ALLC: variants seen among roughly 807,000 people sequenced by gnomAD.
ALLC encodes the protein probable inactive allantoicase.
ALLC carries 40 observed loss-of-function variants against 45.0 expected under a neutral mutation model. The ratio of observed to expected loss-of-function variants is 0.89; its 90% CI spans 0.69 to 1.16. ALLC has a LOEUF of 1.16. ALLC is among the 50% of genes most tolerant of loss of function. The pLI is 0.00. For synonymous variants in ALLC, 176 were observed against 178.1 expected (o/e 0.99, Z 0.09); for missense variants, 488 against 493.1 (o/e 0.99, Z 0.10).
chr2:3,659,140 G>A (rs1031807210), intron 1 of ALLC, among the ~76,000 whole-genome samples: 2 of 152,132 alleles, frequency 1.3e-5, no homozygotes, highest in African/African-American at 4.8e-5. Flanking sequence ...CTTATTGACA[G>A]CGATGACAAA....
chr2:3,700,817 C>T (rs1420413322), intron 10 of ALLC, among the ~76,000 whole-genome samples: 1 of 152,204 alleles, frequency 6.6e-6, no homozygotes, highest in Non-Finnish European at 1.5e-5. Flanking sequence ...ACAAAGGGGG[C>T]ATGTGAGCCA....
intron 10 of ALLC, among the ~76,000 whole-genome samples, chr2:3,698,355 C>G (rs535782049): frequency 4.1e-4 from 62 of 152,194 alleles, no homozygotes; most frequent in Non-Finnish European, 8.2e-4. Context: ...CTGTCCGGCT[C>G]TTTACCATAG....
chr2:3,646,423 C>T, the ALLC span, among the ~76,000 whole-genome samples: 2 of 152,220 alleles, frequency 1.3e-5, no homozygotes, highest in South Asian at 4.1e-4. Context: ...AATCTCAGGC[C>T]TTTCACAGTT....
intron 4 of ALLC, 49 bp downstream of exon 4, chr2:3,678,604 A>T (rs1667090241): frequency 6.6e-7 from 1 of 1,506,812 alleles, no homozygotes; most frequent in Non-Finnish European, 9.2e-7. Flanking sequence ...CTGCAAAGTT[A>T]AAAACGCAGG....
upstream of ALLC, among the ~76,000 whole-genome samples, chr2:3,657,173 A>G (rs1204299313): frequency 6.6e-6 from 1 of 151,864 alleles, no homozygotes; most frequent in South Asian, 2.1e-4. Context: ...AGCTGAGATC[A>G]GACAACAGGC....
intron 7 of ALLC, among the ~76,000 whole-genome samples, chr2:3,690,186 A>G (rs1174228162): frequency 7.0e-6 from 1 of 142,692 alleles, no homozygotes; most frequent in Non-Finnish European, 1.5e-5. Flanking sequence ...GTCCATTTAC[A>G]TTCAGTATTG....
chr2:3,659,402 G>A (rs1050170300), intron 1 of ALLC, among the ~76,000 whole-genome samples: 11 of 152,132 alleles, frequency 7.2e-5, no homozygotes, highest in Non-Finnish European at 2.9e-5. Context: ...CCTCATTTGC[G>A]GTGATTAAGT....
intron 3 of ALLC, among the ~76,000 whole-genome samples, chr2:3,675,117 C>T (rs759436782): frequency 1.4e-4 from 21 of 152,136 alleles, no homozygotes; most frequent in Non-Finnish European, 2.4e-4. Context: ...GTAGGCCTGG[C>T]ACTGTGGCTC....
chr2:3,664,102 T>C (rs531620564), intron 1 of ALLC, among the ~76,000 whole-genome samples: 4 of 152,324 alleles, frequency 2.6e-5, no homozygotes, highest in South Asian at 4.1e-4. Flanking sequence ...GGGACATCTC[T>C]CTTAGTTAAA....
intron 7 of ALLC, among the ~76,000 whole-genome samples, chr2:3,689,160 A>T (rs1667407862): frequency 2.7e-5 from 4 of 150,698 alleles, no homozygotes; most frequent in African/African-American, 4.8e-5. Flanking sequence ...GTTTCTTTTT[A>T]AAAAAACAAG....
intron 2 of ALLC, among the ~76,000 whole-genome samples, chr2:3,673,122 G>A (rs909429511): frequency 6.6e-5 from 10 of 152,246 alleles, no homozygotes; most frequent in South Asian, 2.1e-4. Context: ...AGCAGCTGGC[G>A]GGCAGGGATG....
chr2:3,648,618 C>G, the ALLC span, among the ~76,000 whole-genome samples: 1 of 152,184 alleles, frequency 6.6e-6, no homozygotes, highest in Non-Finnish European at 1.5e-5. Context: ...GGAAGGCCTG[C>G]CAGCTGGGCC....
chr2:3,648,814 T>TC, the ALLC span, among the ~76,000 whole-genome samples: 2 of 152,190 alleles, frequency 1.3e-5, no homozygotes, highest in South Asian at 4.1e-4. Flanking sequence ...GGACACGACT[T>TC]CAAGTGACAG....
chr2:3,666,376 C>T (rs530592960), intron 1 of ALLC, among the ~76,000 whole-genome samples: 8 of 152,322 alleles, frequency 5.3e-5, no homozygotes, highest in South Asian at 4.1e-4. Context: ...GCTGTGTGCC[C>T]GTGACTGGCC....
chr2:3,668,867 C>T (rs1422590506), intron 1 of ALLC, among the ~76,000 whole-genome samples: 7 of 151,874 alleles, frequency 4.6e-5, no homozygotes, highest in Admixed American at 2.6e-4. Context: ...TGAGCCACCG[C>T]GCCTGGCCAT....
the ALLC span, among the ~76,000 whole-genome samples, chr2:3,652,535 A>T: frequency 6.7e-6 from 1 of 149,776 alleles, no homozygotes; most frequent in Non-Finnish European, 1.5e-5. Flanking sequence ...AACAGCGTAT[A>T]TCAGTTAGCT....
At chr2:3,687,806 T>C (rs1401358026) in intron 7 of ALLC, among the ~76,000 whole-genome samples, 4 of 151,008 alleles carry the variant, frequency 2.6e-5, no homozygotes, top group African/African-American at 7.3e-5. Flanking sequence ...GTGGACTTTA[T>C]TGATGGTATG....
intron 7 of ALLC, chr2:3,695,134 A>G (rs1006570492): frequency 2.6e-5 from 4 of 153,298 alleles, no homozygotes; most frequent in African/African-American, 9.7e-5. Flanking sequence ...CATTATCTGT[A>G]TGGTGAATTT....
chr2:3,678,578 C>A, intron 4 of ALLC, 23 bp downstream of exon 4: 2 of 1,596,136 alleles, frequency 1.3e-6, no homozygotes, highest in Non-Finnish European at 1.7e-6. Context: ...GTTCGTTCAT[C>A]GAAGTGCAGC....
Sources: allele counts gnomAD v4.1 joint callset (sites outside exome capture counted in the v4.1 genomes callset), GRCh38; gene constraint gnomAD v4.1.1; transcripts MANE v1.5; gene names NCBI Gene and HGNC (gene_info 2026-07-23, HGNC 2026-07-21).